The following APC variants were observed in gnomAD, a reference collection of about 807,000 sequenced individuals.
APC encodes APC regulator of Wnt signaling pathway.
Under a neutral mutation model 247.0 loss-of-function variants are expected in APC, and 72 were observed. The ratio of observed to expected loss-of-function variants is 0.29; its 90% CI spans 0.24 to 0.35. The LOEUF (loss-of-function observed/expected upper bound fraction) is 0.35, where lower values mean the gene tolerates loss of function less well. APC is among the 10% of genes least tolerant of loss of function. APC has a pLI of 1.00. For missense variants in APC, 3,400 were observed against 3,360.7 expected (o/e 1.01, Z -0.29); for synonymous variants, 1,254 against 1,162.5 (o/e 1.08, Z -1.60).
chr5:112,725,228 C>T (rs1253019272), intron 1 of APC, among the ~76,000 whole-genome samples: 3 of 152,064 alleles, frequency 2.0e-5, no homozygotes, highest in Non-Finnish European at 4.4e-5. Flanking sequence ...CTGCCTTGGT[C>T]CCCAAAAGTG....
At chr5:112,802,947 A>T (rs545696443) in intron 8 of APC, among the ~76,000 whole-genome samples, 1 of 152,106 alleles carries the variant, frequency 6.6e-6, no homozygotes, top group Non-Finnish European at 1.5e-5. Flanking sequence ...AAAAATAAAT[A>T]ATAATTTTAA....
intron 14 of APC, among the ~76,000 whole-genome samples, chr5:112,833,062 T>A (rs188356717): frequency 2.6e-5 from 4 of 151,752 alleles, no homozygotes; most frequent in Non-Finnish European, 5.9e-5. Context: ...TTGCTTTTGC[T>A]TTTTTGAGAC....
intron 10 of APC, among the ~76,000 whole-genome samples, chr5:112,820,864 T>A (rs1763048089): frequency 6.6e-6 from 1 of 152,092 alleles, no homozygotes; most frequent in Non-Finnish European, 1.5e-5. Context: ...ACATGCTTTT[T>A]TTCTCTGTTT....
chr5:112,782,163 A>C (rs1233390473), intron 6 of APC, among the ~76,000 whole-genome samples: 2 of 152,224 alleles, frequency 1.3e-5, no homozygotes, highest in Non-Finnish European at 2.9e-5. Context: ...AAGGAGGAAC[A>C]AGTCATGTCT....
intron 9 of APC, among the ~76,000 whole-genome samples, chr5:112,816,653 C>T (rs1762540266): frequency 6.6e-6 from 1 of 151,532 alleles, no homozygotes; most frequent in African/African-American, 2.4e-5. Flanking sequence ...ATTAGCCAGG[C>T]ATGGTGGCAC....
chr5:112,833,987 T>C (rs1764587077), intron 14 of APC, among the ~76,000 whole-genome samples: 2 of 152,260 alleles, frequency 1.3e-5, no homozygotes, highest in South Asian at 4.1e-4. Flanking sequence ...AGGGTCTCAC[T>C]GTCAACCAGG....
Position 112,840,849 on chromosome 5 carries a change from A to T in APC, c.5255A>T (p.Gln1752Leu), listed in dbSNP as rs139552305. ...RVKKIMDQVQQASASSSAPNK... is the reference protein window; with the variant it reads ...RVKKIMDQVQLASASSSAPNK... ...AAAAAGATAATGGACCAGGTCCAGC[A>T]AGCATCTGCGTCTTCTTCTGCACCC... Residue 1752 changes from glutamine to leucine, a missense_variant, in exon 16 of 16, where the codon CAA becomes CTA. Around this residue, in one of 9 missense-constraint regions of APC, gnomAD observed 1,788 missense variants for 1,649.5 expected, o/e 1.08. Coordinates refer to ENST00000257430, the MANE Select transcript of APC (RefSeq NM_000038.6). This position sits in a 1 kb window ranked among gnomAD's most constrained non-coding sequence, Gnocchi z 4.1. 4 of 1,614,052 alleles carry T rather than the reference A, an allele frequency of 2.5e-6. No individual in the cohort carries two copies. In the African/African-American group the frequency reaches 5.3e-5, roughly 22 times the overall value.
intron 1 of APC, among the ~76,000 whole-genome samples, chr5:112,716,894 T>C (rs984870854): frequency 1.2e-4 from 18 of 152,252 alleles, no homozygotes; most frequent in Admixed American, 1.1e-3. Context: ...TTCTAGAAAT[T>C]GCTATCTATC....
upstream of APC, among the ~76,000 whole-genome samples, chr5:112,734,200 A>C (rs896083400): frequency 6.6e-6 from 1 of 152,178 alleles, no homozygotes; most frequent in East Asian, 1.9e-4. Context: ...CCCTGAAAAA[A>C]TGGGAGATGG....
Position 112,839,628 on chromosome 5 carries a change from A to T in APC, c.4034A>T (p.Glu1345Val), listed in dbSNP as rs2149904634. The change falls in exon 16 of 16, where the codon GAA (glutamate) becomes GTA (valine). Residue 1345 changes from glutamate (E) to valine (V), a missense_variant. By Grantham distance (121) the Glu-to-Val change is moderately radical. This residue lies in a region of APC where 715 missense variants were observed against 656.6 expected (regional missense o/e 1.09). Transcript: ENST00000257430. The surrounding 1 kb of genome is among the most constrained non-coding windows in gnomAD (Gnocchi z 5.0). ...CTGCAGGGTTCTAGTTTATCTTCAGAATCAGCCAGGCACAAAGCTGTTGAA... is the reference window on the plus strand; with the variant it reads ...CTGCAGGGTTCTAGTTTATCTTCAGTATCAGCCAGGCACAAAGCTGTTGAA... ...SRLQGSSLSS[E>V]SARHKAVEFS... 1 of 1,614,154 alleles carries T rather than the reference A, an allele frequency of 6.2e-7. No homozygotes were observed.
chr5:112,842,854 T>C lies in APC; in HGVS notation c.7260T>C (p.Ser2420=), dbSNP rs755501155. The stretch of plus-strand genomic sequence containing the variant: ...AAAAGGTAGAACTTTCTAGAATGTC[T>C]TCAACTAAATCAAGTGGAAGTGAAT... ...ANKKVELSRM[S]STKSSGSESD... is the part of the protein sequence containing the mutation. The change falls in exon 16 of 16, where the codon TCT becomes TCC. Residue 2420 remains serine (S), a synonymous_variant. Transcript: ENST00000257430. 1 of 1,613,980 alleles carries C rather than the reference T, an allele frequency of 6.2e-7. No homozygotes were observed. Among genetic ancestry groups the C allele is most frequent in the Non-Finnish European group, 8.5e-7 (1 of 1,179,936 alleles).
chr5:112,820,203 ACACACACACACACGTG>A (rs915830566), intron 10 of APC, among the ~76,000 whole-genome samples: 3 of 151,996 alleles, frequency 2.0e-5, no homozygotes, highest in Non-Finnish European at 4.4e-5. Context: ...ACACACACAC[ACACACACACACACGTG>A]CACTACAAGT....
At chr5:112,744,278 A>G (rs538254914) in intron 1 of APC, among the ~76,000 whole-genome samples, 29 of 152,312 alleles carry the variant, frequency 1.9e-4, no homozygotes, top group African/African-American at 5.8e-4. Flanking sequence ...TTTATGGAAA[A>G]GTCATCTTGG....
Position 112,754,934 on chromosome 5 carries a change from C to T in APC, c.44C>T (p.Ala15Val), listed in dbSNP as rs1064793466. 3 of 1,613,756 alleles carry T rather than the reference C, an allele frequency of 1.9e-6. No individual in the cohort carries two copies. The highest frequency in any genetic ancestry group is 2.7e-5 in the African/African-American group (2 of 75,028). Residue 15 changes from alanine to valine, a missense_variant, in exon 2 of 16, where the codon GCA becomes GTA. Ala to Val is a moderately conservative substitution (Grantham distance 64). This residue lies in a region of APC where 372 missense variants were observed against 367.6 expected (regional missense o/e 1.01). Transcript: ENST00000257430. ...SYDQLLKQVEALKMENSNLRQ... is the reference protein window; with the variant it reads ...SYDQLLKQVEVLKMENSNLRQ... ...GATCAGTTGTTAAAGCAAGTTGAGG[C>T]ACTGAAGATGGAGAACTCAAATCTT...
At chr5:112,744,395 C>T (rs565682220) in intron 1 of APC, among the ~76,000 whole-genome samples, 1 of 152,196 alleles carries the variant, frequency 6.6e-6, no homozygotes, top group African/African-American at 2.4e-5. Flanking sequence ...ATATGGCTGT[C>T]GCTGAGTAAA....
intron 8 of APC, among the ~76,000 whole-genome samples, chr5:112,813,940 A>T (rs1762232404): frequency 6.6e-6 from 1 of 152,104 alleles, no homozygotes; most frequent in Admixed American, 6.6e-5. Context: ...AATTAGCCAG[A>T]GCCTGTATAT....
upstream of APC, among the ~76,000 whole-genome samples, chr5:112,733,879 T>C (rs1328104185): frequency 1.3e-5 from 2 of 152,160 alleles, no homozygotes; most frequent in East Asian, 3.8e-4. Flanking sequence ...TGAGCAAAAG[T>C]GTGAAGAACT....
At chr5:112,794,865 T>A (rs1356077726) in intron 7 of APC, among the ~76,000 whole-genome samples, 3 of 152,282 alleles carry the variant, frequency 2.0e-5, no homozygotes, top group South Asian at 2.1e-4. Context: ...ATACTTAGGA[T>A]TAACAGTTTT....
At chr5:112,760,279 G>A (rs1335360491) in intron 2 of APC, among the ~76,000 whole-genome samples, 1 of 152,136 alleles carries the variant, frequency 6.6e-6, no homozygotes, top group Non-Finnish European at 1.5e-5. Flanking sequence ...ATTTAGAGGA[G>A]CTCTAAATGC....
Sources: gnomAD v4.1 joint callset for allele counts (sites outside exome capture counted in the v4.1 genomes callset) on GRCh38, gnomAD v4.1.1 for gene constraint, gnomAD v4.1.1 regional missense constraint, Gnocchi (gnomAD v3.1) non-coding constraint, MANE v1.5 for transcripts, NCBI Gene and HGNC (gene_info 2026-07-23, HGNC 2026-07-21) for gene names.